RBM34: variants seen among roughly 807,000 people sequenced by gnomAD.
RBM34 encodes the protein RNA binding motif protein 34, also known as RNA-binding protein 34.
Under a neutral mutation model 44.6 loss-of-function variants are expected in RBM34, and 39 were observed. The ratio of observed to expected loss-of-function variants is 0.87; its 90% confidence interval spans 0.68 to 1.14. The LOEUF (loss-of-function observed/expected upper bound fraction) is 1.14, where lower values mean the gene tolerates loss of function less well. Among genes scored for constraint, RBM34 ranks in the 50% most tolerant of loss-of-function variants. The probability of loss-of-function intolerance (pLI) is 0.00; values close to 1 mark genes in which losing one functional copy is unlikely to be tolerated. For missense variants in RBM34, 572 were observed against 517.9 expected (o/e 1.10, Z -1.01); for synonymous variants, 194 against 184.0 (o/e 1.05, Z -0.44).
At position 235,158,289 on chromosome 1, in the gene RBM34, C is replaced by T. The variant is rs530710293; in HGVS notation, c.365+2222G>A. On this transcript the variant is annotated intron_variant, in intron 3 of 10. Transcript: ENST00000408888. ...AAAATTAGCTGGGTGTGGTGGTGGG[C>T]GCCTGTAATCCCAGCTACTCAGGAG... is the stretch of plus-strand genomic sequence containing the variant. Among the ~76,000 whole-genome samples the T allele has an allele frequency of 2.9e-4, 44 of 151,880 alleles. No homozygotes were observed. The East Asian group carries it at 7.4e-3, about 25-fold the overall frequency.
At chr1:235,145,562 G>A (rs929804108) in intron 6 of RBM34, among the ~76,000 whole-genome samples, 1 of 152,172 alleles carries the variant, frequency 6.6e-6, no homozygotes, top group African/African-American at 2.4e-5. Flanking sequence ...GCAGGCATGA[G>A]CCATCTTCCC....
chr1:235,153,650 T>C (rs899922138), intron 4 of RBM34, among the ~76,000 whole-genome samples: 2 of 152,128 alleles, frequency 1.3e-5, no homozygotes, highest in African/African-American at 4.8e-5. Flanking sequence ...GGTCTCGAAC[T>C]CCCGACCTCA....
At chr1:235,159,013 G>C (rs1002668644) in intron 3 of RBM34, among the ~76,000 whole-genome samples, 1 of 150,362 alleles carries the variant, frequency 6.7e-6, no homozygotes, top group African/African-American at 2.5e-5. Flanking sequence ...AGCAGTTTGC[G>C]ACCAGCCTGG....
chr1:235,147,612 G>A (rs67559163), intron 6 of RBM34, among the ~76,000 whole-genome samples: 9,339 of 152,112 alleles, frequency 0.061, 532 homozygotes, highest in African/African-American at 0.15. Context: ...AAAAACCGGC[G>A]AAGACCTGGT....
At chr1:235,159,533 G>A (rs1165745779) in intron 3 of RBM34, among the ~76,000 whole-genome samples, 1 of 146,672 alleles carries the variant, frequency 6.8e-6, no homozygotes, top group Non-Finnish European at 1.5e-5. Context: ...TGGCGACAGA[G>A]TGAGACTCCA....
rs186417831 is a variant in RBM34 at position 235,159,646 on chromosome 1, G to C, written c.365+865C>G. Among the ~76,000 whole-genome samples the C allele has an allele frequency of 3.4e-4, 52 of 151,984 alleles. No homozygotes were observed. The East Asian group carries it at 8.9e-3, about 26-fold the overall frequency. ...GCACTTTAGGAGGCTGAGGTGGGTG[G>C]ATCACCTGAGGTCAGGAGTTCAAGA... On this transcript the variant is annotated intron_variant, in intron 3 of 10. Transcript: ENST00000408888.
chr1:235,144,874 G>A (rs1052903390), intron 6 of RBM34, among the ~76,000 whole-genome samples: 1 of 152,070 alleles, frequency 6.6e-6, no homozygotes, highest in African/African-American at 2.4e-5. Flanking sequence ...GGGAAACCCC[G>A]TCTCTACTAA....
At chr1:235,149,343 G>C (rs1410275750) in intron 5 of RBM34, among the ~76,000 whole-genome samples, 9 of 148,572 alleles carry the variant, frequency 6.1e-5, no homozygotes, top group Non-Finnish European at 3.0e-5. Flanking sequence ...GAGCCCAGAT[G>C]GCACCACTGC....
At chr1:235,158,753 GA>G (rs1342022556) in intron 3 of RBM34, among the ~76,000 whole-genome samples, 2 of 152,128 alleles carry the variant, frequency 1.3e-5, no homozygotes, top group African/African-American at 4.8e-5. Flanking sequence ...AAGAAGAGAG[GA>G]ATGAAGACTG....
chr1:235,150,349 C>A (rs1431337089), intron 5 of RBM34, among the ~76,000 whole-genome samples: 1 of 152,188 alleles, frequency 6.6e-6, no homozygotes, highest in Non-Finnish European at 1.5e-5. Flanking sequence ...GGGTTACAGG[C>A]ATCAACCACT....
intron 3 of RBM34, among the ~76,000 whole-genome samples, chr1:235,157,759 C>T (rs922545687): frequency 1.3e-5 from 2 of 152,084 alleles, no homozygotes; most frequent in South Asian, 2.1e-4. Context: ...TCAGAGAATC[C>T]GGTAGCTTCA....
intron 5 of RBM34, among the ~76,000 whole-genome samples, chr1:235,150,311 G>A (rs776911584): frequency 7.2e-5 from 11 of 152,220 alleles, no homozygotes; most frequent in Non-Finnish European, 1.2e-4. Flanking sequence ...CTGAACTCAA[G>A]TGATCTGCCT....
chr1:235,133,391 A>C (rs969332320), intron 10 of RBM34, among the ~76,000 whole-genome samples: 2 of 152,214 alleles, frequency 1.3e-5, no homozygotes, highest in Non-Finnish European at 2.9e-5. Flanking sequence ...AGGGAAAAAC[A>C]GAGAATTCTA....
At position 235,148,408 on chromosome 1, in the gene RBM34, T is replaced by C; in HGVS notation, c.697A>G (p.Ile233Val). The C allele has an allele frequency of 6.3e-7, 1 of 1,597,466 alleles. No individual in the cohort carries two copies. The highest frequency in any genetic ancestry group is 1.3e-5 in the African/African-American group (1 of 74,268). ...EGTLSKKLAA[I>V]KRKIHPDQKN... The stretch of plus-strand genomic sequence containing the variant: ...TTTCTCTAATTATAAACTTACTTTA[T>C]TGCTGCCAACTTTTTGGATAGCGTT... The change falls in exon 6 of 11, where the codon ATA (isoleucine) becomes GTA (valine). Residue 233 changes from isoleucine to valine, a missense_variant. Coordinates refer to ENST00000408888, the MANE Select transcript of RBM34 (RefSeq NM_015014.4).
intron 6 of RBM34, among the ~76,000 whole-genome samples, chr1:235,139,192 A>T (rs986273213): frequency 2.0e-5 from 3 of 152,234 alleles, no homozygotes; most frequent in Non-Finnish European, 4.4e-5. Flanking sequence ...TTCCCTGAAG[A>T]CATCAACCTA....
chr1:235,132,024 T>G, intron 10 of RBM34, 27 bp from the exon 11 acceptor site: 1 of 1,540,936 alleles, frequency 6.5e-7, no homozygotes, highest in Non-Finnish European at 8.7e-7. Context: ...AATACATTAA[T>G]TGCTACCAGA....
chr1:235,138,112 G>A lies in RBM34; in HGVS notation c.764C>T (p.Ala255Val), dbSNP rs375092677. The A allele has an allele frequency of 1.4e-5, 23 of 1,609,848 alleles. No homozygotes were observed. The African/African-American group carries it at 3.0e-4, about 21-fold the overall frequency. ...TTACCTTTTCAATGCTTGCGTGGCA[G>A]CACTCTCCTCCTTAAACACAACATA... ...NAYVVFKEES[A>V]ATQALKRNGA... Residue 255 changes from alanine to valine, a missense_variant, in exon 7 of 11, where the codon GCT (alanine) becomes GTT (valine). By Grantham distance (64) the Ala-to-Val change is moderately conservative. Transcript: ENST00000408888.
At chr1:235,137,540 ATTTT>A (rs558945575) in intron 8 of RBM34, among the ~76,000 whole-genome samples, 1 of 140,768 alleles carries the variant, frequency 7.1e-6, no homozygotes. Context: ...CACTTGACTA[ATTTT>A]TTTTTTTTTT....
chr1:235,160,760 A>G, intron 2 of RBM34, 113 bp from the exon 3 acceptor site: 3 of 1,506,204 alleles, frequency 2.0e-6, no homozygotes, highest in Admixed American at 2.0e-5. Context: ...GGTATGTAAG[A>G]GTCATGAAAG....
Sources: allele counts gnomAD v4.1 joint callset (sites outside exome capture counted in the v4.1 genomes callset), GRCh38; gene constraint gnomAD v4.1.1; transcripts MANE v1.5; gene names NCBI Gene and HGNC (gene_info 2026-07-23, HGNC 2026-07-21).